Variants in PCCB observed in about 807,000 individuals in gnomAD.
PCCB encodes propionyl-CoA carboxylase subunit beta.
In PCCB, 43 loss-of-function variants were observed where a neutral mutation model predicts 60.7. The ratio of observed to expected loss-of-function variants is 0.71; its 90% CI spans 0.55 to 0.91. The LOEUF is 0.91. PCCB is among the 40% of genes least tolerant of loss of function. PCCB has a pLI of 0.00. For missense variants in PCCB, 766 were observed against 702.8 expected (o/e 1.09, Z -1.02); for synonymous variants, 276 against 255.9 (o/e 1.08, Z -0.75).
chr3:136,315,366 TA>T (rs1326710502), intron 9 of PCCB, among the ~76,000 whole-genome samples: 1 of 152,050 alleles, frequency 6.6e-6, no homozygotes, highest in Non-Finnish European at 1.5e-5. Context: ...AAACCATCTC[TA>T]AAAATACAAA....
chr3:136,292,641 T>A (rs1291744962), intron 6 of PCCB, among the ~76,000 whole-genome samples: 1 of 152,210 alleles, frequency 6.6e-6, no homozygotes, highest in Non-Finnish European at 1.5e-5. Context: ...TGTATTGAAC[T>A]CTATGTGTAT....
chr3:136,254,564 G>A (rs1183951084), intron 1 of PCCB, among the ~76,000 whole-genome samples: 4 of 103,626 alleles, frequency 3.9e-5, no homozygotes, highest in African/African-American at 1.5e-4. Context: ...ACAGGTTCTC[G>A]CTTTGTTGCT....
chr3:136,328,694 G>T (rs1935421802), intron 13 of PCCB, 64 bp from the exon 14 acceptor site: 3 of 1,275,758 alleles, frequency 2.4e-6, no homozygotes, highest in Non-Finnish European at 3.4e-6. Flanking sequence ...CAGTGATAAT[G>T]AGTTGAAGGA....
At chr3:136,270,457 C>G (rs536584867) in intron 5 of PCCB, among the ~76,000 whole-genome samples, 2 of 152,206 alleles carry the variant, frequency 1.3e-5, no homozygotes, top group East Asian at 1.9e-4. Context: ...AGACAGAACA[C>G]TCACACAAGT....
At chr3:136,276,287 A>G (rs1278871357) in intron 5 of PCCB, among the ~76,000 whole-genome samples, 1 of 152,116 alleles carries the variant, frequency 6.6e-6, no homozygotes, top group East Asian at 1.9e-4. Context: ...GGCTAAAGCA[A>G]ATGGGTAAAT....
At chr3:136,320,616 TTTGA>T (rs952606764) in intron 10 of PCCB, among the ~76,000 whole-genome samples, 6 of 152,246 alleles carry the variant, frequency 3.9e-5, no homozygotes, top group African/African-American at 9.6e-5. Flanking sequence ...CTACATTTTG[TTTGA>T]TTGTTGATCT....
intron 9 of PCCB, among the ~76,000 whole-genome samples, chr3:136,311,872 T>C (rs1466534040): frequency 6.6e-6 from 1 of 152,180 alleles, no homozygotes. Flanking sequence ...ATTAACAAAC[T>C]GGTGATTCTT....
At chr3:136,260,210 A>T in intron 3 of PCCB, 1 of 500,090 alleles carries the variant, frequency 2.0e-6, no homozygotes, top group Non-Finnish European at 3.6e-6. Flanking sequence ...AGTAGCTGGG[A>T]TTCCAGGCAT....
intron 10 of PCCB, among the ~76,000 whole-genome samples, chr3:136,322,553 A>G (rs556470453): frequency 6.6e-6 from 1 of 152,310 alleles, no homozygotes; most frequent in African/African-American, 2.4e-5. Context: ...CCTTAAATGT[A>G]TGGTAGAATT....
chr3:136,273,585 T>C (rs1196243072), intron 5 of PCCB, among the ~76,000 whole-genome samples: 5 of 133,678 alleles, frequency 3.7e-5, no homozygotes, highest in Non-Finnish European at 7.8e-5. Flanking sequence ...TTTCTTTTTT[T>C]TTTTCTTTTT....
chr3:136,328,193 G>A (rs1268443692), intron 13 of PCCB, among the ~76,000 whole-genome samples: 1 of 152,086 alleles, frequency 6.6e-6, no homozygotes, highest in African/African-American at 2.4e-5. Flanking sequence ...CCTATTGCTT[G>A]ACCTATTCCT....
rs535528814 is a variant in PCCB at position 136,303,532 on chromosome 3, C to T, written c.966+2421C>T. Reference sequence around the variant, plus strand: ...GCATTGATATTATGTGATACTAGTGCGTATATTTTAAGGTATTTTAAAATC... The same window carrying T: ...GCATTGATATTATGTGATACTAGTGTGTATATTTTAAGGTATTTTAAAATC... On this transcript the variant is annotated intron_variant, in intron 9 of 14. Transcript: ENST00000251654. Among the ~76,000 whole-genome samples, 5 of 122,022 alleles carry T rather than the reference C, an allele frequency of 4.1e-5. 1 individual carries two copies. Among genetic ancestry groups the T allele is most frequent in the Non-Finnish European group, 9.1e-5 (5 of 54,936 alleles). 80.1% of individuals were successfully genotyped at this position (122,022 alleles called of 152,430 possible).
intron 5 of PCCB, among the ~76,000 whole-genome samples, chr3:136,273,597 CTTTT>C: frequency 4.0e-4 from 18 of 45,232 alleles, no homozygotes; most frequent in Non-Finnish European, 4.6e-4. Flanking sequence ...TTTCTTTTTT[CTTTT>C]TTTTTTTTTT....
At chr3:136,283,802 T>C (rs777123470) in intron 5 of PCCB, 35 bp from the exon 6 acceptor site, 1 of 1,385,888 alleles carries the variant, frequency 7.2e-7, no homozygotes, top group Non-Finnish European at 1.0e-6. Context: ...CAAACATCTC[T>C]GTAACCAGAT....
intron 9 of PCCB, among the ~76,000 whole-genome samples, chr3:136,311,069 C>T (rs931014527): frequency 7.2e-5 from 11 of 151,900 alleles, no homozygotes; most frequent in African/African-American, 2.7e-4. Flanking sequence ...AAATATTAAC[C>T]AATACAGTTA....
At chr3:136,318,965 G>A (rs1935011368) in intron 10 of PCCB, among the ~76,000 whole-genome samples, 1 of 152,070 alleles carries the variant, frequency 6.6e-6, no homozygotes, top group Admixed American at 6.5e-5. Flanking sequence ...GGTAATTCTA[G>A]GTTTAACTTT....
At chr3:136,326,234 G>T in intron 10 of PCCB, 2 of 665,938 alleles carry the variant, frequency 3.0e-6, no homozygotes, top group Middle Eastern at 3.1e-4. Context: ...TTTGGTATTG[G>T]GGTAATACTG....
At chr3:136,264,217 A>C (rs1170658065) in intron 5 of PCCB, among the ~76,000 whole-genome samples, 1 of 151,956 alleles carries the variant, frequency 6.6e-6, no homozygotes, top group African/African-American at 2.4e-5. Flanking sequence ...TTACCTCCTA[A>C]GTTCTTCATT....
intron 5 of PCCB, among the ~76,000 whole-genome samples, chr3:136,273,597 CTTTTTTTTTTTTTTTT>C: frequency 2.2e-5 from 1 of 45,222 alleles, no homozygotes. Context: ...TTTCTTTTTT[CTTTTTTTTTTTTTTTT>C]TTTTTTACTG....
Sources: gnomAD v4.1 joint callset for allele counts (sites outside exome capture counted in the v4.1 genomes callset) on GRCh38, gnomAD v4.1.1 for gene constraint, MANE v1.5 for transcripts, NCBI Gene and HGNC (gene_info 2026-07-23, HGNC 2026-07-21) for gene names.